Variants in HUNK observed in about 807,000 individuals in gnomAD.
The protein encoded by HUNK is hormonally up-regulated neu tumor-associated kinase.
HUNK carries 21 observed loss-of-function variants against 61.0 expected under a neutral mutation model. The observed-to-expected ratio is 0.34, with a 90% CI of 0.24 to 0.50. HUNK has a LOEUF of 0.50. Among genes scored for constraint, HUNK ranks in the 20% least tolerant of loss-of-function variants. The probability of loss-of-function intolerance (pLI) is 0.98; values close to 1 mark genes in which losing one functional copy is unlikely to be tolerated. For synonymous variants in HUNK, 371 were observed against 386.1 expected (o/e 0.96, Z 0.46); for missense variants, 772 against 945.7 (o/e 0.82, Z 2.41).
chr21:31,955,988 T>C (rs2052887179), intron 4 of HUNK, among the ~76,000 whole-genome samples: 1 of 152,224 alleles, frequency 6.6e-6, no homozygotes, highest in Non-Finnish European at 1.5e-5. Context: ...GTCTTTGCTA[T>C]GTAGCATGGA....
chr21:31,968,164 G>A (rs943605772), intron 5 of HUNK, 86 bp from the exon 6 acceptor site: 22 of 1,532,718 alleles, frequency 1.4e-5, no homozygotes, highest in Non-Finnish European at 2.0e-5. Flanking sequence ...GGCAGGCAAG[G>A]TGGCGAGTCC....
Position 31,873,103 on chromosome 21 carries a change from T to C in HUNK, c.-572T>C, listed in dbSNP as rs2052226321. On this transcript the variant is annotated 5_prime_UTR_variant, in exon 1 of 11. Transcript: ENST00000270112. This position sits in a 1 kb window ranked among gnomAD's most constrained non-coding sequence, Gnocchi z 6.1. ...CGCGAGCGGATTAAATTTCTGCAAA[T>C]TCAAACTGAATGGGGCTTTCTTCTG... Among the ~76,000 whole-genome samples the C allele has an allele frequency of 6.6e-6, 1 of 152,070 alleles. No homozygotes were observed. Among genetic ancestry groups the C allele is most frequent in the Non-Finnish European group, 1.5e-5 (1 of 67,988 alleles).
chr21:31,983,807 C>T (rs982171212), intron 8 of HUNK, among the ~76,000 whole-genome samples, 198 bp downstream of exon 8: 2 of 152,210 alleles, frequency 1.3e-5, no homozygotes, highest in Non-Finnish European at 2.9e-5. Flanking sequence ...TCAGCTGTGG[C>T]TGCATGTTAA....
intron 1 of HUNK, among the ~76,000 whole-genome samples, chr21:31,913,763 A>G (rs1185815531): frequency 6.6e-6 from 1 of 151,790 alleles, no homozygotes; most frequent in East Asian, 2.0e-4. Flanking sequence ...AAGGCCTGGG[A>G]TAGAACCTCA....
At chr21:31,921,855 G>A (rs895518978) in intron 1 of HUNK, among the ~76,000 whole-genome samples, 5 of 151,972 alleles carry the variant, frequency 3.3e-5, no homozygotes, top group Admixed American at 6.6e-5. Flanking sequence ...CTTTATTGAG[G>A]TTTAACTGAC....
chr21:31,950,776 G>A (rs1339904090), intron 4 of HUNK, among the ~76,000 whole-genome samples: 2 of 152,242 alleles, frequency 1.3e-5, no homozygotes, highest in African/African-American at 2.4e-5. Flanking sequence ...AAATGGAACC[G>A]ATTTTCTTGC....
At chr21:31,901,366 T>C (rs2052466518) in intron 1 of HUNK, among the ~76,000 whole-genome samples, 1 of 152,178 alleles carries the variant, frequency 6.6e-6, no homozygotes, top group Non-Finnish European at 1.5e-5. Flanking sequence ...TCTTCACCTG[T>C]ACTGTCCCCC....
rs1317064308 is a variant in HUNK at position 31,884,444 on chromosome 21, TA to T, written c.261+10510del. On this transcript the variant is annotated intron_variant, in intron 1 of 10. Coordinates refer to ENST00000270112, the MANE Select transcript of HUNK (RefSeq NM_014586.2). ...CCATCTCTACTGAAAATACAAAAATTAGCCAGGCGTGGTGGTGGGCACCTGT... is the reference window on the plus strand; with the variant it reads ...CCATCTCTACTGAAAATACAAAAATTGCCAGGCGTGGTGGTGGGCACCTGT... Among the ~76,000 whole-genome samples, 4 of 151,814 alleles carry T rather than the reference TA, an allele frequency of 2.6e-5. No homozygotes were observed. The Middle Eastern group carries it at 0.01, about 387-fold the overall frequency.
At chr21:31,990,251 A>C in intron 9 of HUNK, 75 bp downstream of exon 9, 1 of 1,329,634 alleles carries the variant, frequency 7.5e-7, no homozygotes, top group Admixed American at 1.7e-5. Flanking sequence ...GGAGAGAGAG[A>C]GAGATTGAGA....
chr21:31,976,124 A>G (rs760419484), intron 7 of HUNK, among the ~76,000 whole-genome samples: 7 of 152,156 alleles, frequency 4.6e-5, no homozygotes, highest in African/African-American at 1.4e-4. Flanking sequence ...AGATTTAACA[A>G]TGTTTTATGG....
chr21:31,875,461 A>T (rs931239407), intron 1 of HUNK, among the ~76,000 whole-genome samples: 2 of 152,158 alleles, frequency 1.3e-5, no homozygotes, highest in Non-Finnish European at 1.5e-5. Flanking sequence ...TCCCATGCAA[A>T]AAAGGAGCGT....
chr21:31,981,969 T>TGCC (rs1360509809), intron 7 of HUNK, among the ~76,000 whole-genome samples: 50 of 152,192 alleles, frequency 3.3e-4, no homozygotes, highest in Non-Finnish European at 8.8e-5. Context: ...GTTACATAAG[T>TGCC]AAACATGTGC....
chr21:31,997,743 A>AT (rs1283545435), intron 10 of HUNK, among the ~76,000 whole-genome samples: 1 of 152,148 alleles, frequency 6.6e-6, no homozygotes, highest in Non-Finnish European at 1.5e-5. Context: ...CAATAAATAA[A>AT]TTTTTTAAAT....
At chr21:31,881,338 A>G (rs977852339) in intron 1 of HUNK, among the ~76,000 whole-genome samples, 1 of 152,180 alleles carries the variant, frequency 6.6e-6, no homozygotes, top group Non-Finnish European at 1.5e-5. Flanking sequence ...TGAAATATAC[A>G]AAGTATGGCC....
chr21:31,922,053 G>C (rs528446137), intron 1 of HUNK, among the ~76,000 whole-genome samples: 4 of 152,154 alleles, frequency 2.6e-5, no homozygotes, highest in African/African-American at 7.2e-5. Context: ...TTTTGTTCTT[G>C]TTGCCCAGGC....
chr21:31,886,808 G>C (rs1001374758), intron 1 of HUNK, among the ~76,000 whole-genome samples: 7 of 152,082 alleles, frequency 4.6e-5, no homozygotes, highest in African/African-American at 1.7e-4. Flanking sequence ...ACCACGCCCA[G>C]CTAATTTTTG....
At chr21:31,886,979 C>T (rs1288490855) in intron 1 of HUNK, among the ~76,000 whole-genome samples, 1 of 152,164 alleles carries the variant, frequency 6.6e-6, no homozygotes, top group African/African-American at 2.4e-5. Flanking sequence ...TTGATCTTCC[C>T]AAGACATGTG....
rs1452217533 is a variant in HUNK at position 31,968,236 on chromosome 21, C to A, written c.875-14C>A. On this transcript the variant is annotated splice_polypyrimidine_tract_variant and intron_variant, in intron 5 of 10. Transcript: ENST00000270112. ...CCTGTAACATGCGTGCATTCTTTCC[C>A]AAATGTCTCCCAGGTGCCATCAGTT... The A allele has an allele frequency of 1.9e-6, 3 of 1,613,984 alleles. No individual in the cohort carries two copies. The highest frequency in any genetic ancestry group is 1.1e-5 in the South Asian group (1 of 91,072).
rs1236358158 is a variant in HUNK at position 31,892,379 on chromosome 21, AAC to A, written c.261+18446_261+18447del. ...TCAGGAGTTCAAGACCAGCTTGGCC[AAC>A]ATGGTGAGACCTCTGCCTCTATAAG... On this transcript the variant is annotated intron_variant, in intron 1 of 10. Coordinates refer to ENST00000270112, the MANE Select transcript of HUNK (RefSeq NM_014586.2). Among the ~76,000 whole-genome samples the A allele has an allele frequency of 2.0e-5, 3 of 151,642 alleles. No homozygotes were observed. In the East Asian group the frequency reaches 5.8e-4, roughly 29 times the overall value.
Sources: gnomAD v4.1 joint callset for allele counts (sites outside exome capture counted in the v4.1 genomes callset) on GRCh38, gnomAD v4.1.1 for gene constraint, Gnocchi (gnomAD v3.1) non-coding constraint, MANE v1.5 for transcripts, NCBI Gene and HGNC (gene_info 2026-07-23, HGNC 2026-07-21) for gene names.